The following NFIB variants were observed in gnomAD, a reference collection of about 807,000 sequenced individuals.
NFIB encodes the protein nuclear factor I B.
In NFIB, 11 loss-of-function variants were observed where a neutral mutation model predicts 61.5. The observed-to-expected ratio is 0.18, with a 90% CI of 0.11 to 0.30. NFIB has a LOEUF of 0.30. Among genes scored for constraint, NFIB ranks in the 10% least tolerant of loss-of-function variants. The pLI, the probability that NFIB is intolerant of heterozygous loss-of-function variation, is 1.00. For missense variants in NFIB, 471 were observed against 608.9 expected, an observed-to-expected ratio of 0.77 and a Z score of 2.38; for synonymous variants, 260 against 216.5, an observed-to-expected ratio of 1.20 and a Z score of -1.76.
chr9:14,433,899 TG>T, the NFIB span, among the ~76,000 whole-genome samples: 39 of 152,316 alleles, frequency 2.6e-4, no homozygotes, highest in African/African-American at 9.4e-4. Flanking sequence ...TAATACAGCT[TG>T]GGATCAGCCT....
At chr9:14,523,270 C>G in the NFIB span, among the ~76,000 whole-genome samples, 2 of 152,150 alleles carry the variant, frequency 1.3e-5, no homozygotes, top group East Asian at 1.9e-4. Context: ...CACCAACTTA[C>G]AGTGGTCAAA....
At chr9:14,497,947 G>A in the NFIB span, among the ~76,000 whole-genome samples, 2 of 152,218 alleles carry the variant, frequency 1.3e-5, no homozygotes, top group African/African-American at 2.4e-5. Flanking sequence ...AGTACCAGAA[G>A]TTTCAAAGAT....
chr9:14,103,544 C>T (rs1320363749), intron 10 of NFIB, among the ~76,000 whole-genome samples: 1 of 152,076 alleles, frequency 6.6e-6, no homozygotes, highest in African/African-American at 2.4e-5. Flanking sequence ...TTATGATAAA[C>T]TATTTTAAAC....
chr9:14,297,027 C>T (rs370977269), intron 2 of NFIB, among the ~76,000 whole-genome samples: 1 of 152,204 alleles, frequency 6.6e-6, no homozygotes, highest in African/African-American at 2.4e-5. Context: ...TGCGCACACC[C>T]CCTGCTCCCT....
At chr9:14,219,345 G>T (rs1450774909) in intron 2 of NFIB, among the ~76,000 whole-genome samples, 1 of 105,692 alleles carries the variant, frequency 9.5e-6, no homozygotes, top group Non-Finnish European at 1.7e-5. Context: ...TATCTCCAGA[G>T]AAACTTTAAT....
intron 2 of NFIB, among the ~76,000 whole-genome samples, chr9:14,201,415 T>A (rs1264040766): frequency 6.6e-6 from 1 of 152,200 alleles, no homozygotes. Context: ...GAATATGCCG[T>A]GCAACTGCAG....
chr9:14,338,400 AAAAAAG>A (rs997620385), intron 1 of NFIB, among the ~76,000 whole-genome samples: 2 of 25,364 alleles, frequency 7.9e-5, no homozygotes, highest in African/African-American at 1.0e-4. Context: ...TCTCAAAAAA[AAAAAAG>A]AAAAGAAAAG....
chr9:14,438,337 C>A, the NFIB span, among the ~76,000 whole-genome samples: 1 of 152,168 alleles, frequency 6.6e-6, no homozygotes, highest in Non-Finnish European at 1.5e-5. Context: ...AATAGTCTTA[C>A]GTGTGACCAT....
chr9:14,483,316 C>T, the NFIB span, among the ~76,000 whole-genome samples: 52 of 152,052 alleles, frequency 3.4e-4, no homozygotes, highest in Admixed American at 3.3e-3. Flanking sequence ...TCATTGCTAC[C>T]GGGATATATA....
At chr9:14,343,827 G>C (rs187213738) in intron 1 of NFIB, among the ~76,000 whole-genome samples, 74 of 132,502 alleles carry the variant, frequency 5.6e-4, no homozygotes, top group African/African-American at 2.9e-3. Flanking sequence ...GGGGACAAGG[G>C]GGGGTCGGGG....
At chr9:14,445,149 T>C in the NFIB span, among the ~76,000 whole-genome samples, 2 of 152,210 alleles carry the variant, frequency 1.3e-5, no homozygotes, top group Admixed American at 6.5e-5. Context: ...AGGAATGTAG[T>C]TGATTTTTCT....
At chr9:14,242,762 G>A (rs2132052179) in intron 2 of NFIB, among the ~76,000 whole-genome samples, 1 of 152,276 alleles carries the variant, frequency 6.6e-6, no homozygotes, top group African/African-American at 2.4e-5. Flanking sequence ...AATGTACCCT[G>A]GCTCCATAGG....
At chr9:14,323,913 A>G (rs1304387102) in intron 1 of NFIB, among the ~76,000 whole-genome samples, 2 of 152,258 alleles carry the variant, frequency 1.3e-5, no homozygotes, top group Non-Finnish European at 2.9e-5. Context: ...TAATAAGTGC[A>G]AAACTAAAAG....
At chr9:14,445,381 A>G in the NFIB span, among the ~76,000 whole-genome samples, 6 of 152,120 alleles carry the variant, frequency 3.9e-5, no homozygotes, top group African/African-American at 9.7e-5. Context: ...CCTGATCTTC[A>G]AGAGAGTGTT....
chr9:14,210,417 G>T (rs1331074246), intron 2 of NFIB, among the ~76,000 whole-genome samples: 1 of 151,836 alleles, frequency 6.6e-6, no homozygotes, highest in Non-Finnish European at 1.5e-5. Context: ...AACGAAAAAT[G>T]AACTTAAAAA....
intron 2 of NFIB, among the ~76,000 whole-genome samples, chr9:14,216,254 C>A (rs187887173): frequency 6.6e-6 from 1 of 152,176 alleles, no homozygotes; most frequent in East Asian, 1.9e-4. Context: ...AACTGATAAT[C>A]ATGTGCAAAG....
intron 2 of NFIB, among the ~76,000 whole-genome samples, chr9:14,259,431 T>C (rs777700288): frequency 5.9e-5 from 9 of 152,288 alleles, no homozygotes; most frequent in East Asian, 1.9e-4. Flanking sequence ...CTAAGCATCA[T>C]AGAAATAAAC....
chr9:14,135,391 A>G (rs962866219), intron 6 of NFIB, among the ~76,000 whole-genome samples: 3 of 152,220 alleles, frequency 2.0e-5, no homozygotes, highest in Non-Finnish European at 4.4e-5. Context: ...AAATGCTTCA[A>G]TGTAACATTT....
At chr9:14,291,417 G>A (rs1201362710) in intron 2 of NFIB, among the ~76,000 whole-genome samples, 2 of 152,084 alleles carry the variant, frequency 1.3e-5, no homozygotes, top group African/African-American at 2.4e-5. Context: ...CCTGGGAGGT[G>A]GAGGTTGCAG....
Sources: gnomAD v4.1 joint callset for allele counts (sites outside exome capture counted in the v4.1 genomes callset) on GRCh38, gnomAD v4.1.1 for gene constraint, MANE v1.5 for transcripts, NCBI Gene and HGNC (gene_info 2026-07-23, HGNC 2026-07-21) for gene names.